Variants in CUL2 observed in about 807,000 individuals in gnomAD.
CUL2 encodes cullin-2.
In CUL2, 22 loss-of-function variants were observed where a neutral mutation model predicts 110.2. The observed-to-expected ratio is 0.20, with a 90% CI of 0.14 to 0.28. The LOEUF (loss-of-function observed/expected upper bound fraction) is 0.28, where lower values mean the gene tolerates loss of function less well. Among genes scored for constraint, CUL2 ranks in the 10% least tolerant of loss-of-function variants. CUL2 has a pLI of 1.00. For synonymous variants in CUL2, 279 were observed against 293.2 expected (o/e 0.95, Z 0.49); for missense variants, 631 against 905.5 (o/e 0.70, Z 3.89).
upstream of CUL2, chr10:35,126,670 A>C (rs924821530): frequency 2.0e-5 from 3 of 152,606 alleles, no homozygotes; most frequent in Non-Finnish European, 4.4e-5. Flanking sequence ...TTTCTGGCGC[A>C]CGCGCGGCGC....
chr10:35,064,794 C>T (rs1025655836), intron 2 of CUL2, among the ~76,000 whole-genome samples: 1 of 152,120 alleles, frequency 6.6e-6, no homozygotes, highest in African/African-American at 2.4e-5. Flanking sequence ...CCTTCTGCCT[C>T]GGCCTCCCAA....
At chr10:35,121,194 G>T (rs1329356197) in intron 1 of CUL2, among the ~76,000 whole-genome samples, 1 of 152,136 alleles carries the variant, frequency 6.6e-6, no homozygotes, top group Non-Finnish European at 1.5e-5. Flanking sequence ...TGCCATCCAT[G>T]GAGTTTATAT....
intron 19 of CUL2, among the ~76,000 whole-genome samples, chr10:35,012,544 T>A (rs903578155): frequency 6.6e-6 from 1 of 151,994 alleles, no homozygotes; most frequent in Non-Finnish European, 1.5e-5. Flanking sequence ...AGGGGGCCTA[T>A]CTCCACGGAG....
At chr10:35,018,288 CAAAAAAAAAAAA>C (rs11357517) in intron 17 of CUL2, among the ~76,000 whole-genome samples, 2 of 75,242 alleles carry the variant, frequency 2.7e-5, no homozygotes, top group Admixed American at 1.8e-4. Flanking sequence ...CTCCATCTCA[CAAAAAAAAAAAA>C]AAAAAAAAAA....
chr10:35,051,954 T>C (rs911087855), intron 5 of CUL2, among the ~76,000 whole-genome samples: 48 of 152,218 alleles, frequency 3.2e-4, no homozygotes, highest in African/African-American at 1.1e-3. Context: ...TAAGAAATCC[T>C]TCTCTGCCCT....
chr10:35,107,930 C>T (rs1460735645), intron 1 of CUL2, among the ~76,000 whole-genome samples: 3 of 147,694 alleles, frequency 2.0e-5, no homozygotes, highest in Non-Finnish European at 4.5e-5. Context: ...CTGGTTCCTA[C>T]TCTTCCTAAG....
intron 10 of CUL2, among the ~76,000 whole-genome samples, chr10:35,034,682 A>G (rs533600491): frequency 6.6e-6 from 1 of 152,306 alleles, no homozygotes; most frequent in African/African-American, 2.4e-5. Context: ...AAAGATGAGT[A>G]TTAGGGATAT....
intron 2 of CUL2, 49 bp from the exon 3 acceptor site, chr10:35,063,111 C>T: frequency 9.3e-7 from 1 of 1,070,414 alleles, no homozygotes; most frequent in Non-Finnish European, 1.4e-6. Context: ...AATTTTAAAA[C>T]ATAATGAGAT....
chr10:35,062,832 G>A (rs1358539185), intron 3 of CUL2, 128 bp downstream of exon 3: 2 of 616,706 alleles, frequency 3.2e-6, no homozygotes, highest in Admixed American at 2.9e-5. Flanking sequence ...GCAAGACCCT[G>A]TATTTAAAAA....
intron 1 of CUL2, among the ~76,000 whole-genome samples, chr10:35,084,585 A>T (rs2087016113): frequency 6.6e-6 from 1 of 152,242 alleles, no homozygotes; most frequent in African/African-American, 2.4e-5. Context: ...CTGCAATATG[A>T]CAGATACGTT....
chr10:35,028,917 C>T (rs752374286), intron 15 of CUL2, 30 bp from the exon 16 acceptor site: 3 of 1,316,956 alleles, frequency 2.3e-6, no homozygotes, highest in Non-Finnish European at 3.2e-6. Context: ...ATAAAATAAG[C>T]TAAATGGATC....
chr10:35,106,912 A>C (rs575650586), intron 1 of CUL2, among the ~76,000 whole-genome samples: 2 of 150,862 alleles, frequency 1.3e-5, no homozygotes. Flanking sequence ...GTTAGCAATA[A>C]GGAAAAAGGA....
At chr10:35,084,432 C>G (rs1297280210) in intron 1 of CUL2, among the ~76,000 whole-genome samples, 1 of 152,200 alleles carries the variant, frequency 6.6e-6, no homozygotes, top group Non-Finnish European at 1.5e-5. Flanking sequence ...ACACCACAAT[C>G]TTAACCTAAC....
At chr10:35,099,147 C>T (rs961131813) in intron 2 of CUL2, among the ~76,000 whole-genome samples, 44 of 152,022 alleles carry the variant, frequency 2.9e-4, no homozygotes, top group African/African-American at 1.1e-3. Context: ...AATCCCAGCA[C>T]TTTGGGAGGC....
Position 35,039,071 on chromosome 10 carries a change from T to C in CUL2, c.726A>G (p.Arg242=), listed in dbSNP as rs2085709075. 6.2e-7 allele frequency: 1 copy of C among 1,600,590 alleles called. No homozygotes were observed. The highest frequency in any genetic ancestry group is 8.5e-7 in the Non-Finnish European group (1 of 1,171,826). The part of the protein sequence containing the change: ...CSQYMEKVLG[R]LKDEEIRCRK... ...GACATCGAATTTCTTCATCTTTTAA[T>C]CTACCTAGAACCTATAAAAATATTT... The change falls in exon 9 of 21, where the codon AGA becomes AGG. Residue 242 remains arginine, a synonymous_variant. Transcript: ENST00000374749.
At chr10:35,071,105 A>C (rs2086665385) in intron 2 of CUL2, 94 bp downstream of exon 2, 2 of 1,226,564 alleles carry the variant, frequency 1.6e-6, no homozygotes, top group Non-Finnish European at 2.3e-6. Context: ...AAATAGTTAC[A>C]TGGGAAAGTT....
At chr10:35,076,483 C>T (rs1038910916) in intron 1 of CUL2, among the ~76,000 whole-genome samples, 1 of 152,070 alleles carries the variant, frequency 6.6e-6, no homozygotes, top group Non-Finnish European at 1.5e-5. Flanking sequence ...AGCAATTTAA[C>T]GGGGATGAGG....
intron 1 of CUL2, among the ~76,000 whole-genome samples, chr10:35,112,268 C>T (rs1367784693): frequency 6.6e-6 from 1 of 152,220 alleles, no homozygotes; most frequent in Non-Finnish European, 1.5e-5. Flanking sequence ...CTGGATTTAT[C>T]CTTCTGCCTA....
chr10:35,024,126 C>T (rs968596688), intron 17 of CUL2, among the ~76,000 whole-genome samples: 2 of 152,136 alleles, frequency 1.3e-5, no homozygotes, highest in Non-Finnish European at 2.9e-5. Flanking sequence ...TGAGCCACTG[C>T]ACCTAGCCAA....
Sources: gnomAD v4.1 joint callset for allele counts (sites outside exome capture counted in the v4.1 genomes callset) on GRCh38, gnomAD v4.1.1 for gene constraint, MANE v1.5 for transcripts, NCBI Gene and HGNC (gene_info 2026-07-23, HGNC 2026-07-21) for gene names.